The following CD109 variants were observed in gnomAD, a reference collection of about 807,000 sequenced individuals.
The protein encoded by CD109 is CD109 molecule, also known as CD109 antigen.
In CD109, 149 loss-of-function variants were observed where a neutral mutation model predicts 165.8. The ratio of observed to expected loss-of-function variants is 0.90; its 90% CI spans 0.79 to 1.03. CD109 has a LOEUF of 1.03. Ranked by LOEUF, CD109 falls within the 50% of genes least tolerant of loss-of-function variation. CD109 has a pLI of 0.00. For missense variants in CD109, 1,712 were observed against 1,677.8 expected (o/e 1.02, Z -0.36); for synonymous variants, 585 against 592.1 (o/e 0.99, Z 0.18).
At position 73,782,680 on chromosome 6, in the gene CD109, ACTTTT is replaced by A; in HGVS notation, c.2035_2039del (p.Ser679GlyfsTer2). 1 of 1,613,914 alleles carries A rather than the reference ACTTTT, an allele frequency of 6.2e-7. No homozygotes were observed. Among genetic ancestry groups the A allele is most frequent in the South Asian group, 1.1e-5 (1 of 91,058 alleles). ...GAAGGACATATTGTAGATATTCATG[ACTTTT>A]CTTTGGGTAGCAGTCCACATGTCCG... is the stretch of plus-strand genomic sequence containing the variant. On this transcript the variant is annotated frameshift_variant, in exon 18 of 33. Coordinates refer to ENST00000287097, the MANE Select transcript of CD109 (RefSeq NM_133493.5). LOFTEE classifies it high-confidence loss of function.
chr6:73,806,783 G>A (rs928376350), intron 24 of CD109, 61 bp from the exon 25 acceptor site: 24 of 1,155,542 alleles, frequency 2.1e-5, no homozygotes, highest in South Asian at 4.3e-5. Context: ...TTGCTTGCTC[G>A]GTGTTATTTG....
At chr6:73,781,770 CAGACACAG>C (rs1774511519) in intron 17 of CD109, among the ~76,000 whole-genome samples, 7 of 139,686 alleles carry the variant, frequency 5.0e-5, no homozygotes, top group South Asian at 2.3e-4. Flanking sequence ...CACACACACA[CAGACACAG>C]ACACACACAC....
intron 2 of CD109, among the ~76,000 whole-genome samples, chr6:73,705,824 A>T (rs1771247260): frequency 1.3e-5 from 2 of 152,178 alleles, no homozygotes; most frequent in African/African-American, 2.4e-5. Context: ...AAATGGCTTT[A>T]AGTTGAATGT....
intron 5 of CD109, among the ~76,000 whole-genome samples, chr6:73,738,347 C>T (rs1329284245): frequency 6.6e-6 from 1 of 152,188 alleles, no homozygotes; most frequent in Non-Finnish European, 1.5e-5. Flanking sequence ...TTAAAGCAAG[C>T]CTCTGCACAG....
intron 25 of CD109, 84 bp downstream of exon 25, chr6:73,807,156 T>G (rs749545583): frequency 1.6e-5 from 16 of 982,360 alleles, no homozygotes; most frequent in Non-Finnish European, 2.5e-5. Flanking sequence ...GTGTGGAAAC[T>G]TAACAAGTTG....
upstream of CD109, among the ~76,000 whole-genome samples, chr6:73,691,189 T>C (rs1466414386): frequency 1.3e-5 from 2 of 152,168 alleles, no homozygotes; most frequent in African/African-American, 4.8e-5. Context: ...CAAAAGTGCA[T>C]GGCTAGGGAG....
chr6:73,700,572 G>A (rs1364341268), intron 2 of CD109, among the ~76,000 whole-genome samples: 1 of 152,034 alleles, frequency 6.6e-6, no homozygotes, highest in Non-Finnish European at 1.5e-5. Context: ...GGCTCAATTT[G>A]TGTTGGAAAT....
Position 73,768,101 on chromosome 6 carries a change from C to G in CD109, c.1544C>G (p.Thr515Arg). The change falls in exon 14 of 33, where the codon ACA becomes AGA. Residue 515 changes from threonine (T) to arginine (R), a missense_variant. Transcript: ENST00000287097. ...GTGGCTGTAGGAAAACAAAATTCAA[C>G]AATGTTCTCTTTAACACCAGAAAAT... ...QLVAVGKQNS[T>R]MFSLTPENSW... The G allele has an allele frequency of 6.2e-7, 1 of 1,613,326 alleles. No homozygotes were observed.
In CD109 at chr6:73,736,507, A is replaced by T. The variant is rs1772551995; in HGVS notation, c.632A>T (p.Asn211Ile). Residue 211 changes from asparagine (N) to isoleucine (I), a missense_variant and splice_region_variant, in exon 5 of 33, where the codon AAT (asparagine) becomes ATT (isoleucine). Asn to Ile is a moderately radical substitution (Grantham distance 149, BLOSUM62 -3). Coordinates refer to ENST00000287097, the MANE Select transcript of CD109 (RefSeq NM_133493.5). The part of the protein sequence containing the change: ...LGDWSIQVQV[N>I]DQTYYQSFQV... ...GACTGGTCTATTCAAGTTCAAGTGAATGTGAGTATAAATATATTTTTTGGG... is the reference window on the plus strand; with the variant it reads ...GACTGGTCTATTCAAGTTCAAGTGATTGTGAGTATAAATATATTTTTTGGG... The T allele has an allele frequency of 1.9e-6, 3 of 1,608,970 alleles. No individual in the cohort carries two copies. Among genetic ancestry groups the T allele is most frequent in the African/African-American group, 2.7e-5 (2 of 74,760 alleles).
At chr6:73,813,751 G>A (rs903285275) in intron 29 of CD109, among the ~76,000 whole-genome samples, 4 of 152,100 alleles carry the variant, frequency 2.6e-5, no homozygotes, top group Non-Finnish European at 5.9e-5. Context: ...GAGCAGTTGA[G>A]CTTTATTGCC....
intron 2 of CD109, among the ~76,000 whole-genome samples, chr6:73,703,048 G>A (rs893204747): frequency 1.3e-5 from 2 of 152,168 alleles, no homozygotes; most frequent in Admixed American, 6.5e-5. Context: ...ACTTGATGAA[G>A]TAGATACTCT....
At chr6:73,688,193 C>CTGTGA in the CD109 span, among the ~76,000 whole-genome samples, 106,922 of 151,286 alleles carry the variant, frequency 0.71, 38,142 homozygotes, top group African/African-American at 0.8. Context: ...TTTGCTTTTA[C>CTGTGA]TATTTATGAT....
chr6:73,719,563 A>C (rs895691927), intron 2 of CD109, among the ~76,000 whole-genome samples: 1 of 152,194 alleles, frequency 6.6e-6, no homozygotes, highest in African/African-American at 2.4e-5. Flanking sequence ...GTTGTAACCC[A>C]TTATTTATTT....
chr6:73,808,043 T>C (rs1775630914), intron 25 of CD109, 40 bp from the exon 26 acceptor site: 1 of 1,582,422 alleles, frequency 6.3e-7, no homozygotes, highest in Non-Finnish European at 8.6e-7. Flanking sequence ...TGGTAATGGG[T>C]TACTCTGAAT....
At chr6:73,803,711 G>GTGTT (rs1251902644) in intron 24 of CD109, among the ~76,000 whole-genome samples, 2 of 151,832 alleles carry the variant, frequency 1.3e-5, no homozygotes. Context: ...GTGTGTGTGT[G>GTGTT]TAAAAAACAA....
At chr6:73,717,706 G>A (rs1479032290) in intron 2 of CD109, among the ~76,000 whole-genome samples, 2 of 130,348 alleles carry the variant, frequency 1.5e-5, no homozygotes, top group Non-Finnish European at 1.6e-5. Context: ...TGCAAACTCC[G>A]CCTCCCGGGT....
chr6:73,815,699 G>C (rs76411216), intron 30 of CD109, among the ~76,000 whole-genome samples: 2,679 of 152,188 alleles, frequency 0.018, 79 homozygotes, highest in African/African-American at 0.061. Flanking sequence ...AAGCATCTGA[G>C]AATCTTGTTA....
At chr6:73,782,398 A>G (rs1370761909) in intron 17 of CD109, among the ~76,000 whole-genome samples, 1 of 152,176 alleles carries the variant, frequency 6.6e-6, no homozygotes, top group African/African-American at 2.4e-5. Context: ...TGCCCACTGT[A>G]ATACCCATTC....
Position 73,766,026 on chromosome 6 carries a change from T to C in CD109, c.1204T>C (p.Trp402Arg). 2.5e-6 allele frequency: 4 copies of C among 1,613,928 alleles called. No homozygotes were observed. The highest frequency in any genetic ancestry group is 1.7e-5 in the Admixed American group (1 of 60,004). ...GACACAGAGAAACTATACTGAGTAC[T>C]GGAGCGGATCTAACAGTGGAAATCA... ...TVTQRNYTEYWSGSNSGNQKM... is the reference protein window; with the variant it reads ...TVTQRNYTEYRSGSNSGNQKM... Residue 402 changes from tryptophan to arginine, a missense_variant, in exon 11 of 33, where the codon TGG (tryptophan) becomes CGG (arginine). Physicochemically the swap from Trp to Arg is moderately radical, Grantham distance 101. Transcript: ENST00000287097.
Sources: allele counts gnomAD v4.1 joint callset (sites outside exome capture counted in the v4.1 genomes callset), GRCh38; gene constraint gnomAD v4.1.1; transcripts MANE v1.5; gene names NCBI Gene and HGNC (gene_info 2026-07-23, HGNC 2026-07-21).